Variants in NELL1 observed in about 807,000 individuals in gnomAD.
The protein encoded by NELL1 is neural EGFL like 1.
NELL1 carries 76 observed loss-of-function variants against 107.4 expected under a neutral mutation model. That is an observed-to-expected ratio of 0.71 (90% CI 0.59 to 0.86). The LOEUF (loss-of-function observed/expected upper bound fraction) is 0.86. Among genes scored for constraint, NELL1 ranks in the 40% least tolerant of loss-of-function variants. The pLI, the probability that NELL1 is intolerant of heterozygous loss-of-function variation, is 0.00. For missense variants in NELL1, 1,024 were observed against 1,005.5 expected (o/e 1.02, Z -0.25); for synonymous variants, 353 against 341.2 (o/e 1.03, Z -0.38).
At chr11:20,783,895 G>A (rs2133982759) in intron 3 of NELL1, 65 bp downstream of exon 3, 1 of 1,443,682 alleles carries the variant, frequency 6.9e-7, no homozygotes, top group African/African-American at 1.4e-5. Flanking sequence ...AAATGTCTTG[G>A]GATTTAGAGT....
intron 15 of NELL1, among the ~76,000 whole-genome samples, chr11:21,400,451 A>G (rs1213060185): frequency 6.6e-6 from 1 of 151,888 alleles, no homozygotes; most frequent in Non-Finnish European, 1.5e-5. Flanking sequence ...TCAGGAAGTG[A>G]GGAACATTAC....
At chr11:21,319,131 ATGTGTGTGTGTG>A (rs35208989) in intron 14 of NELL1, among the ~76,000 whole-genome samples, 1 of 146,642 alleles carries the variant, frequency 6.8e-6, no homozygotes, top group Admixed American at 6.8e-5. Flanking sequence ...TCTCAGCAAT[ATGTGTGTGTGTG>A]TGTGTGTGTG....
chr11:21,330,969 T>C (rs1850260359), intron 14 of NELL1, among the ~76,000 whole-genome samples: 1 of 152,130 alleles, frequency 6.6e-6, no homozygotes, highest in South Asian at 2.1e-4. Flanking sequence ...GGTTAGCTGA[T>C]TCTTCTACCC....
intron 12 of NELL1, among the ~76,000 whole-genome samples, chr11:21,075,807 A>T (rs1854121460): frequency 1.3e-5 from 2 of 152,190 alleles, no homozygotes; most frequent in Admixed American, 1.3e-4. Context: ...ATAAGAATGT[A>T]AATTTCCAGC....
chr11:20,732,671 G>A (rs11025722), intron 2 of NELL1, among the ~76,000 whole-genome samples: 19,377 of 152,158 alleles, frequency 0.13, 1,310 homozygotes, highest in Non-Finnish European at 0.15. Flanking sequence ...CAGGGGATAT[G>A]CTGTCAAGGG....
At chr11:20,814,754 A>C (rs443592) in intron 3 of NELL1, among the ~76,000 whole-genome samples, 9,521 of 152,226 alleles carry the variant, frequency 0.063, 322 homozygotes, top group South Asian at 0.12. Flanking sequence ...TAGTGCTGTA[A>C]TAAACTTGTG....
At chr11:21,335,890 C>A (rs1369473715) in intron 14 of NELL1, among the ~76,000 whole-genome samples, 2 of 152,120 alleles carry the variant, frequency 1.3e-5, no homozygotes, top group Admixed American at 6.6e-5. Context: ...GCAATAGACA[C>A]CAAAGCCTGC....
intron 3 of NELL1, among the ~76,000 whole-genome samples, chr11:20,791,017 C>T (rs2133990810): frequency 6.6e-6 from 1 of 152,248 alleles, no homozygotes; most frequent in East Asian, 1.9e-4. Flanking sequence ...ATGAATCTTC[C>T]AAGTTTGTTC....
At chr11:21,434,370 T>A (rs188832696) in intron 15 of NELL1, among the ~76,000 whole-genome samples, 1 of 152,292 alleles carries the variant, frequency 6.6e-6, no homozygotes, top group Non-Finnish European at 1.5e-5. Flanking sequence ...TTTTTGCATA[T>A]GGTGAGATAT....
At chr11:21,159,612 A>G (rs1856317510) in intron 13 of NELL1, among the ~76,000 whole-genome samples, 2 of 152,228 alleles carry the variant, frequency 1.3e-5, no homozygotes, top group South Asian at 4.1e-4. Flanking sequence ...AGATCCTGGC[A>G]GAAGGCATCT....
chr11:21,468,555 AT>A (rs1403852811), intron 15 of NELL1, among the ~76,000 whole-genome samples: 2 of 152,056 alleles, frequency 1.3e-5, no homozygotes, highest in Non-Finnish European at 2.9e-5. Context: ...CCAATCTCCA[AT>A]TTGCTTCTAC....
chr11:21,021,541 G>C (rs962093560), intron 12 of NELL1, among the ~76,000 whole-genome samples: 16 of 152,018 alleles, frequency 1.1e-4, no homozygotes, highest in African/African-American at 3.6e-4. Flanking sequence ...CTTTATTATT[G>C]CTAATTATAG....
At chr11:21,174,184 A>G (rs540208539) in intron 13 of NELL1, among the ~76,000 whole-genome samples, 1 of 151,890 alleles carries the variant, frequency 6.6e-6, no homozygotes, top group South Asian at 2.1e-4. Flanking sequence ...AAACTGAGTC[A>G]CTGCTGAAAG....
intron 13 of NELL1, among the ~76,000 whole-genome samples, chr11:21,124,632 G>A (rs531218109): frequency 2.3e-3 from 329 of 145,334 alleles, no homozygotes; most frequent in African/African-American, 7.8e-3. Flanking sequence ...GACAGATTTC[G>A]CTCTTGATGC....
intron 12 of NELL1, among the ~76,000 whole-genome samples, chr11:21,032,083 A>AATT (rs1442866501): frequency 1.3e-5 from 2 of 149,110 alleles, no homozygotes; most frequent in Non-Finnish European, 1.5e-5. Context: ...TAATAATAAT[A>AATT]ATGATAAAAT....
rs965913579 is a variant in NELL1 at position 21,223,388 on chromosome 11, G to A, written c.1427-5944G>A. Among the ~76,000 whole-genome samples the A allele has an allele frequency of 5.9e-5, 9 of 151,346 alleles. 1 individual carries two copies. The highest frequency in any genetic ancestry group is 2.2e-4 in the African/African-American group (9 of 41,168). Reference sequence around the variant, plus strand: ...TTCTGATATAAACATAGCTACTTCTGCTCACTTTTGATATCTATTTGTGTG... The same window carrying A: ...TTCTGATATAAACATAGCTACTTCTACTCACTTTTGATATCTATTTGTGTG... On this transcript the variant is annotated intron_variant, in intron 13 of 19. Coordinates refer to ENST00000357134, the MANE Select transcript of NELL1 (RefSeq NM_006157.5).
At chr11:20,681,272 A>G (rs1854184480) in intron 2 of NELL1, among the ~76,000 whole-genome samples, 3 of 152,136 alleles carry the variant, frequency 2.0e-5, no homozygotes, top group Admixed American at 2.0e-4. Flanking sequence ...AATAGCAAGA[A>G]GAAATCAGAC....
intron 14 of NELL1, among the ~76,000 whole-genome samples, chr11:21,356,313 A>G (rs1427937189): frequency 6.6e-6 from 1 of 152,174 alleles, no homozygotes; most frequent in Non-Finnish European, 1.5e-5. Flanking sequence ...TATTTATTGA[A>G]TGACTGAATG....
rs148407555 is a variant in NELL1 at position 21,184,372 on chromosome 11, G to A, written c.1427-44960G>A. ...CAACCTCCGCCTCCTGGGTTCAAGC[G>A]ATTCTCCTCCCTCAACCTCCTGAGT... is the stretch of plus-strand genomic sequence containing the variant. On this transcript the variant is annotated intron_variant, in intron 13 of 19. Transcript: ENST00000357134. Among the ~76,000 whole-genome samples the A allele has an allele frequency of 7.0e-3, 1,063 of 151,798 alleles. 30 individuals are homozygous for A. The highest frequency in any genetic ancestry group is 0.031 in the Middle Eastern group (9 of 294).
Sources: allele counts gnomAD v4.1 joint callset (sites outside exome capture counted in the v4.1 genomes callset), GRCh38; gene constraint gnomAD v4.1.1; transcripts MANE v1.5; gene names NCBI Gene and HGNC (gene_info 2026-07-23, HGNC 2026-07-21).